The following PCDHA7 variants were observed in gnomAD, a reference collection of about 807,000 sequenced individuals.
PCDHA7 encodes the protein protocadherin alpha 7, also known as protocadherin alpha-7.
Under a neutral mutation model 57.2 loss-of-function variants are expected in PCDHA7, and 37 were observed. The observed-to-expected ratio is 0.65, with a 90% confidence interval of 0.50 to 0.85. PCDHA7 has a LOEUF of 0.85. Ranked by LOEUF, PCDHA7 falls within the 40% of genes least tolerant of loss-of-function variation. The probability of loss-of-function intolerance (pLI) is 0.00; values close to 1 mark genes in which losing one functional copy is unlikely to be tolerated. For missense variants in PCDHA7, 1,188 were observed against 1,241.8 expected, an observed-to-expected ratio of 0.96 and a Z score of 0.65; for synonymous variants, 553 against 558.8, an observed-to-expected ratio of 0.99 and a Z score of 0.15.
intron 1 of PCDHA7, among the ~76,000 whole-genome samples, chr5:140,878,864 A>G (rs1465235970): frequency 1.3e-5 from 2 of 152,152 alleles, no homozygotes; most frequent in Non-Finnish European, 2.9e-5. Flanking sequence ...CTGATCCTCC[A>G]TTTCAGCCTT....
intron 1 of PCDHA7, among the ~76,000 whole-genome samples, chr5:140,902,351 A>C (rs1554190404): frequency 1.3e-5 from 2 of 151,346 alleles, no homozygotes; most frequent in African/African-American, 4.9e-5. Context: ...GAAGCCCTTT[A>C]TTTCTTTCTC....
chr5:140,848,680 G>C (rs2150417098), intron 1 of PCDHA7: 2 of 1,592,250 alleles, frequency 1.3e-6, no homozygotes, highest in African/African-American at 1.3e-5. Context: ...CTGGTGCCGC[G>C]CCTGTTCCAG....
chr5:140,929,497 C>A, intron 1 of PCDHA7: 1 of 977,560 alleles, frequency 1.0e-6, no homozygotes, highest in Non-Finnish European at 1.4e-6. Context: ...TAGAAGATTG[C>A]CCTAGGCCTC....
chr5:140,904,700 C>A (rs1228017325), intron 1 of PCDHA7, among the ~76,000 whole-genome samples: 1 of 152,028 alleles, frequency 6.6e-6, no homozygotes, highest in Non-Finnish European at 1.5e-5. Flanking sequence ...AAATTGTTCC[C>A]TTTTCACCAC....
chr5:140,850,193 G>C (rs2150472370), intron 1 of PCDHA7: 2 of 1,593,662 alleles, frequency 1.3e-6, no homozygotes. Flanking sequence ...CGGCGCTGCT[G>C]ACACCTCGGA....
chr5:140,941,202 C>CCTTCCTTT (rs1554213920), intron 1 of PCDHA7, among the ~76,000 whole-genome samples: 107 of 122,824 alleles, frequency 8.7e-4, no homozygotes, highest in Admixed American at 4.2e-3. Flanking sequence ...TTTCTTTCTT[C>CCTTCCTTT]CTTTCTTTCT....
intron 1 of PCDHA7, chr5:140,877,747 T>C (rs1554170075): frequency 1.2e-6 from 2 of 1,614,172 alleles, no homozygotes; most frequent in Non-Finnish European, 8.5e-7. Context: ...GCAGAGGGTG[T>C]GCTCTGCAGA....
intron 1 of PCDHA7, chr5:140,877,684 A>G (rs1247391418): frequency 1.9e-6 from 3 of 1,613,650 alleles, no homozygotes; most frequent in Non-Finnish European, 2.5e-6. Flanking sequence ...GGGCAAGCCC[A>G]CGCTGGTGTG....
intron 1 of PCDHA7, chr5:140,876,322 A>G (rs146464308): frequency 6.2e-7 from 1 of 1,614,034 alleles, no homozygotes; most frequent in Non-Finnish European, 8.5e-7. Context: ...GATCAAAATG[A>G]TTTTGCCAGT....
At chr5:140,868,689 T>A (rs951881699) in intron 1 of PCDHA7, 4 of 174,918 alleles carry the variant, frequency 2.3e-5, no homozygotes, top group Admixed American at 2.1e-4. Flanking sequence ...GTTATAATGT[T>A]AAGTCAAACA....
intron 1 of PCDHA7, among the ~76,000 whole-genome samples, chr5:140,964,199 A>G (rs1183847716): frequency 1.3e-5 from 2 of 152,240 alleles, no homozygotes; most frequent in Non-Finnish European, 2.9e-5. Flanking sequence ...AGAGTATACC[A>G]TCTCTTTAGT....
intron 3 of PCDHA7, among the ~76,000 whole-genome samples, chr5:140,988,417 A>G (rs2097297098): frequency 6.6e-6 from 1 of 152,150 alleles, no homozygotes; most frequent in Non-Finnish European, 1.5e-5. Flanking sequence ...GCTTATGTAA[A>G]GAATTTGTTT....
chr5:140,911,480 G>A (rs2075504387), intron 1 of PCDHA7, among the ~76,000 whole-genome samples: 1 of 152,142 alleles, frequency 6.6e-6, no homozygotes, highest in African/African-American at 2.4e-5. Flanking sequence ...CTCTCACTCA[G>A]GGCAATCTTA....
chr5:140,925,641 T>TATAATAATA (rs10569930), intron 1 of PCDHA7, among the ~76,000 whole-genome samples: 4,530 of 143,294 alleles, frequency 0.032, 85 homozygotes, highest in Middle Eastern at 0.043. Flanking sequence ...GAACTTAAAG[T>TATAATAATA]ATAATAATAA....
chr5:140,846,261 G>T (rs922886728), intron 1 of PCDHA7, among the ~76,000 whole-genome samples: 4 of 148,852 alleles, frequency 2.7e-5, no homozygotes, highest in Admixed American at 6.7e-5. Flanking sequence ...TTTTGATGAT[G>T]ATTTAAAGTC....
In PCDHA7 at chr5:140,836,334, G is replaced by C. The variant is rs1554135822; in HGVS notation, c.1951G>C (p.Val651Leu). 17 of 1,613,642 alleles carry C rather than the reference G, an allele frequency of 1.1e-5. No individual in the cohort carries two copies. Among genetic ancestry groups the C allele is most frequent in the Non-Finnish European group, 1.4e-5 (17 of 1,179,850 alleles). ...ACCGCGCCACCGCCTTCTGGTGCTT[G>C]TGAAGGACCACGGGGAGCCCTCGCT... is the stretch of plus-strand genomic sequence containing the variant. ...DAPRHRLLVL[V>L]KDHGEPSLTA... The change falls in exon 1 of 4, where the codon GTG becomes CTG. Residue 651 changes from valine (V) to leucine (L), a missense_variant. By Grantham distance (32) the Val-to-Leu change is conservative (BLOSUM62 1). Around this residue, in one of 3 missense-constraint regions of PCDHA7, gnomAD observed 892 missense variants for 788.5 expected, o/e 1.13. Transcript: ENST00000525929.
chr5:140,998,220 C>G (rs1554256199), intron 3 of PCDHA7, among the ~76,000 whole-genome samples: 1 of 152,106 alleles, frequency 6.6e-6, no homozygotes, highest in African/African-American at 2.4e-5. Context: ...ATAACCACAC[C>G]CAGAAATTTG....
chr5:140,876,514 C>A, intron 1 of PCDHA7: 1 of 1,614,026 alleles, frequency 6.2e-7, no homozygotes, highest in East Asian at 2.2e-5. Flanking sequence ...TGACAATGTC[C>A]CTGAAGTAAT....
intron 1 of PCDHA7, among the ~76,000 whole-genome samples, chr5:140,956,551 C>G (rs995941205): frequency 1.3e-5 from 2 of 152,148 alleles, no homozygotes; most frequent in Non-Finnish European, 2.9e-5. Flanking sequence ...ATTTGGTTTG[C>G]CAGTATCTTA....
Sources: allele counts gnomAD v4.1 joint callset (sites outside exome capture counted in the v4.1 genomes callset), GRCh38; gene constraint gnomAD v4.1.1; regional missense constraint gnomAD v4.1.1; transcripts MANE v1.5; gene names NCBI Gene and HGNC (gene_info 2026-07-23, HGNC 2026-07-21).